SCN10A: variants seen among roughly 807,000 people sequenced by gnomAD.
SCN10A encodes the protein sodium voltage-gated channel alpha subunit 10, also known as sodium channel protein type 10 subunit alpha.
SCN10A carries 162 observed loss-of-function variants against 170.7 expected under a neutral mutation model. The ratio of observed to expected loss-of-function variants is 0.95; its 90% CI spans 0.84 to 1.08. The LOEUF (loss-of-function observed/expected upper bound fraction) is 1.08. Ranked by LOEUF, SCN10A falls within the 50% of genes least tolerant of loss-of-function variation. SCN10A has a pLI of 0.00. For missense variants in SCN10A, 2,527 were observed against 2,436.9 expected (o/e 1.04, Z -0.78); for synonymous variants, 985 against 904.6 (o/e 1.09, Z -1.59).
At chr3:38,723,403 T>C (rs752008994) in intron 19 of SCN10A, 27 bp downstream of exon 19, 1 of 1,613,928 alleles carries the variant, frequency 6.2e-7, no homozygotes, top group South Asian at 1.1e-5. Context: ...AACATCAGTG[T>C]GAGGGGGCCT....
chr3:38,802,688 T>C (rs992452027), intron 1 of SCN10A, among the ~76,000 whole-genome samples: 4 of 152,116 alleles, frequency 2.6e-5, no homozygotes, highest in Admixed American at 6.6e-5. Flanking sequence ...CCTAAAACCA[T>C]AAAAATCCTA....
At position 38,697,017 on chromosome 3, in the gene SCN10A, G is replaced by C; in HGVS notation, c.*332C>G. 1 of 317,136 alleles carries C rather than the reference G, an allele frequency of 3.2e-6. No homozygotes were observed. The highest frequency in any genetic ancestry group is 5.9e-6 in the Non-Finnish European group (1 of 168,324). 19.6% of individuals were successfully genotyped at this position (317,136 alleles called of 1,614,324 possible). ...CTTGTTCTATATCTTTGGAAGTTCT[G>C]GTCCTGAGAAGTTTGTCTCAGTAAA... On this transcript the variant is annotated 3_prime_UTR_variant, in exon 28 of 28. Transcript: ENST00000449082.
intron 22 of SCN10A, among the ~76,000 whole-genome samples, chr3:38,712,851 A>G (rs78408010): frequency 0.024 from 3,623 of 152,356 alleles, 145 homozygotes; most frequent in African/African-American, 0.082. Context: ...AGAACCAGTG[A>G]AAACCTAAAT....
intron 1 of SCN10A, among the ~76,000 whole-genome samples, chr3:38,802,623 C>T (rs1375387676): frequency 6.6e-6 from 1 of 152,150 alleles, no homozygotes; most frequent in Non-Finnish European, 1.5e-5. Context: ...TGGATCCCTT[C>T]CTTACACTTT....
chr3:38,775,766 TA>T (rs2064065387), intron 4 of SCN10A, among the ~76,000 whole-genome samples: 1 of 152,206 alleles, frequency 6.6e-6, no homozygotes, highest in Admixed American at 6.5e-5. Flanking sequence ...AGTCACATTA[TA>T]AGGAATGCAA....
intron 8 of SCN10A, among the ~76,000 whole-genome samples, chr3:38,760,202 AT>A (rs1465206934): frequency 2.6e-5 from 4 of 152,340 alleles, no homozygotes; most frequent in Admixed American, 6.5e-5. Context: ...CAAAAGGTAC[AT>A]TGTGTTGGTT....
chr3:38,799,619 C>T (rs2064359679), intron 1 of SCN10A, among the ~76,000 whole-genome samples: 1 of 152,186 alleles, frequency 6.6e-6, no homozygotes, highest in South Asian at 2.1e-4. Flanking sequence ...GAACGTGCTT[C>T]TGCCTGATGC....
At position 38,718,737 on chromosome 3, in the gene SCN10A, G is replaced by A. The variant is rs758184076; in HGVS notation, c.3597C>T (p.Phe1199=). The A allele has an allele frequency of 9.3e-6, 15 of 1,614,056 alleles. No individual in the cohort carries two copies. The highest frequency in any genetic ancestry group is 2.2e-5 in the East Asian group (1 of 44,902). ...AGGCCACCCACTTAAGCAGCATCTCGAACACAAAGATAAAGGTGAAGACCC... is the reference window on the plus strand; with the variant it reads ...AGGCCACCCACTTAAGCAGCATCTCAAACACAAAGATAAAGGTGAAGACCC... ...TDRVFTFIFV[F]EMLLKWVAYG... The change falls in exon 21 of 28, where the codon TTC becomes TTT. Residue 1199 remains phenylalanine (F), a synonymous_variant. Transcript: ENST00000449082.
At position 38,761,507 on chromosome 3, in the gene SCN10A, C is replaced by A. The variant is rs2063871921; in HGVS notation, c.692-124G>T. ...AGTGAAGTATGTACACACTCCAGGGCAGTTCCAAGACCTTTCTCATCCGAA... is the reference window on the plus strand; with the variant it reads ...AGTGAAGTATGTACACACTCCAGGGAAGTTCCAAGACCTTTCTCATCCGAA... On this transcript the variant is annotated intron_variant, in intron 6 of 27. Transcript: ENST00000449082. 3 of 726,500 alleles carry A rather than the reference C, an allele frequency of 4.1e-6. No individual in the cohort carries two copies. The South Asian group carries it at 9.6e-5, about 23-fold the overall frequency. 45.0% of individuals were successfully genotyped at this position (726,500 alleles called of 1,614,324 possible). A position where few individuals can be genotyped will look rare whatever the true frequency, so the allele number is the denominator to read the frequency against.
At position 38,714,014 on chromosome 3, in the gene SCN10A, G is replaced by A. The variant is rs202134330; in HGVS notation, c.3748C>T (p.Arg1250Ter). Reference protein sequence around the residue: ...YSEVAPIKALRTLRALRPLRA... With the variant: ...YSEVAPIKAL ...AGTGGCCGCAGAGCGCGAAGGGTTC[G>A]AAGGGCTTTGATGGGAGCCACTTCA... The change falls in exon 22 of 28, where the codon CGA (arginine) becomes TGA (stop). Residue 1250 changes from arginine to a stop codon, truncating the protein, a stop_gained. Coordinates refer to ENST00000449082, the MANE Select transcript of SCN10A (RefSeq NM_006514.4). LOFTEE classifies it high-confidence loss of function. 5.6e-6 allele frequency: 9 copies of A among 1,614,156 alleles called. No homozygotes were observed. Among genetic ancestry groups the A allele is most frequent in the South Asian group, 1.1e-5 (1 of 91,086 alleles).
chr3:38,781,990 G>A (rs1434833731), intron 4 of SCN10A, among the ~76,000 whole-genome samples: 1 of 151,914 alleles, frequency 6.6e-6, no homozygotes, highest in Non-Finnish European at 1.5e-5. Context: ...TTAAAACCGT[G>A]TAATACATTG....
At chr3:38,755,056 T>C (rs2063788803) in intron 11 of SCN10A, among the ~76,000 whole-genome samples, 1 of 151,584 alleles carries the variant, frequency 6.6e-6, no homozygotes, top group South Asian at 2.1e-4. Flanking sequence ...CAGAAAGTTA[T>C]TATGGGGGGA....
chr3:38,761,815 AGT>A (rs10637333), intron 6 of SCN10A, among the ~76,000 whole-genome samples: 118 of 142,064 alleles, frequency 8.3e-4, no homozygotes, highest in East Asian at 3.7e-3. Flanking sequence ...ACTGTGTGTG[AGT>A]GTGTGTGTGT....
At position 38,756,712 on chromosome 3, in the gene SCN10A, A is replaced by C; in HGVS notation, c.1252T>G (p.Phe418Val). ...TDEIEAKEKK[F>V]QEALEMLRKE... ...CGGAGCATCTCGAGGGCCTCCTGGA[A>C]CTTCTTCTCCTTTGCTTCAATTTCA... The change falls in exon 10 of 28, where the codon TTC (phenylalanine) becomes GTC (valine). Residue 418 changes from phenylalanine to valine, a missense_variant. By Grantham distance (50) the Phe-to-Val change is conservative. Transcript: ENST00000449082. 1 of 1,614,052 alleles carries C rather than the reference A, an allele frequency of 6.2e-7. No individual in the cohort carries two copies. The highest frequency in any genetic ancestry group is 8.5e-7 in the Non-Finnish European group (1 of 1,180,000).
chr3:38,811,110 A>C lies in SCN10A; in HGVS notation c.-33+4927T>G, dbSNP rs191148866. ...CCAGTTGTGGGACTATTAGAAGATT[A>C]CTTAACTCCTGTGTGCCTTAGTTTT... On this transcript the variant is annotated intron_variant, in intron 1 of 27. Transcript: ENST00000449082. 2.9e-3 allele frequency among the ~76,000 whole-genome samples: 447 copies of C among 152,302 alleles called. 2 individuals are homozygous for C. Among genetic ancestry groups the C allele is most frequent in the South Asian group, 0.013 (61 of 4,820 alleles).
intron 1 of SCN10A, among the ~76,000 whole-genome samples, chr3:38,794,457 A>T (rs961403596): frequency 1.7e-4 from 26 of 152,142 alleles, no homozygotes; most frequent in Admixed American, 1.7e-3. Context: ...TCTTATCACA[A>T]TCTTTTATTT....
At chr3:38,722,989 C>T (rs569033866) in intron 19 of SCN10A, among the ~76,000 whole-genome samples, 1 of 152,312 alleles carries the variant, frequency 6.6e-6, no homozygotes, top group African/African-American at 2.4e-5. Flanking sequence ...CTGTTCTAAA[C>T]ACTGAGAGGA....
chr3:38,701,767 T>G (rs1225184934), intron 27 of SCN10A, 72 bp downstream of exon 27: 1 of 1,430,762 alleles, frequency 7.0e-7, no homozygotes, highest in African/African-American at 1.4e-5. Flanking sequence ...GTTATTTCCT[T>G]GGTTTTAGAA....
intron 4 of SCN10A, among the ~76,000 whole-genome samples, chr3:38,786,443 A>G (rs1297479258): frequency 6.6e-6 from 1 of 152,062 alleles, no homozygotes; most frequent in Non-Finnish European, 1.5e-5. Flanking sequence ...GCACGTGGAT[A>G]CAGGGAGGGG....
Sources: gnomAD v4.1 joint callset for allele counts (sites outside exome capture counted in the v4.1 genomes callset) on GRCh38, gnomAD v4.1.1 for gene constraint, MANE v1.5 for transcripts, NCBI Gene and HGNC (gene_info 2026-07-23, HGNC 2026-07-21) for gene names.